The following PAK5 variants were observed in gnomAD, a reference collection of about 807,000 sequenced individuals.
PAK5 encodes the protein p21 (RAC1) activated kinase 5, also known as serine/threonine-protein kinase PAK 5.
A neutral mutation model predicts 65.9 loss-of-function variants in PAK5; 16 were observed. The observed-to-expected ratio is 0.24, with a 90% CI of 0.16 to 0.37. The LOEUF (loss-of-function observed/expected upper bound fraction) is 0.37. PAK5 is among the 10% of genes least tolerant of loss of function. The probability of loss-of-function intolerance (pLI) is 1.00; values close to 1 mark genes in which losing one functional copy is unlikely to be tolerated. For missense variants in PAK5, 785 were observed against 903.9 expected (o/e 0.87, Z 1.69); for synonymous variants, 371 against 354.9 (o/e 1.05, Z -0.51).
chr20:9,594,621 A>G (rs1055221948), intron 3 of PAK5, among the ~76,000 whole-genome samples: 1 of 152,202 alleles, frequency 6.6e-6, no homozygotes, highest in African/African-American at 2.4e-5. Context: ...GACAATGACA[A>G]TAATCCCTGT....
chr20:9,782,576 C>A (rs1435040716), intron 1 of PAK5, among the ~76,000 whole-genome samples: 7 of 152,170 alleles, frequency 4.6e-5, no homozygotes, highest in African/African-American at 1.7e-4. Flanking sequence ...TTCCTTACCT[C>A]CTACACAGGG....
Position 9,623,621 on chromosome 20 carries a change from A to G in PAK5, c.204+20504T>C, listed in dbSNP as rs113400529. Among the ~76,000 whole-genome samples the G allele has an allele frequency of 5.5e-3, 831 of 152,348 alleles. 9 individuals are homozygous for G. Among genetic ancestry groups the G allele is most frequent in the African/African-American group, 0.019 (782 of 41,578 alleles). On this transcript the variant is annotated intron_variant, in intron 3 of 9. Coordinates refer to ENST00000353224, the MANE Select transcript of PAK5 (RefSeq NM_177990.4). ...ACAGATACCCAAATAAAAGTACAGT[A>G]TTAGACTAAGATAGGTACAAACAAA... is the stretch of plus-strand genomic sequence containing the variant.
chr20:9,708,704 C>T (rs2048039443), intron 2 of PAK5, among the ~76,000 whole-genome samples: 1 of 152,134 alleles, frequency 6.6e-6, no homozygotes, highest in Non-Finnish European at 1.5e-5. Context: ...TCTTGGTCTA[C>T]ATGTATGGCA....
intron 2 of PAK5, 49 bp from the exon 3 acceptor site, chr20:9,644,388 GAAGACCAGGAGA>G (rs2123276718): frequency 8.2e-7 from 1 of 1,218,118 alleles, no homozygotes; most frequent in Admixed American, 1.8e-5. Context: ...CTTGCCAGCA[GAAGACCAGGAGA>G]AAGCTATTGT....
At chr20:9,745,299 C>T (rs2048493869) in intron 1 of PAK5, among the ~76,000 whole-genome samples, 1 of 147,344 alleles carries the variant, frequency 6.8e-6, no homozygotes, top group Middle Eastern at 3.2e-3. Flanking sequence ...CTGTGAGTGA[C>T]ACCACATCAA....
chr20:9,759,542 T>G (rs985014304), intron 1 of PAK5, among the ~76,000 whole-genome samples: 3 of 152,030 alleles, frequency 2.0e-5, no homozygotes, highest in Non-Finnish European at 4.4e-5. Context: ...TCAGAGTCAG[T>G]AGGTGAGGAG....
chr20:9,744,077 C>T (rs1034484106), intron 1 of PAK5, among the ~76,000 whole-genome samples: 6 of 152,174 alleles, frequency 3.9e-5, no homozygotes, highest in Non-Finnish European at 8.8e-5. Flanking sequence ...CTGGAATCCA[C>T]CAGAAGCTGG....
intron 4 of PAK5, among the ~76,000 whole-genome samples, chr20:9,578,171 C>T (rs2045919619): frequency 1.3e-5 from 2 of 151,976 alleles, no homozygotes. Context: ...GTTTTGCAAC[C>T]AACTAATTAT....
chr20:9,641,246 G>A (rs1481591975), intron 3 of PAK5, among the ~76,000 whole-genome samples: 1 of 151,828 alleles, frequency 6.6e-6, no homozygotes, highest in Non-Finnish European at 1.5e-5. Flanking sequence ...ACAGGGTGCT[G>A]ATTGGTGTGT....
intron 7 of PAK5, among the ~76,000 whole-genome samples, chr20:9,553,669 G>A (rs1000206490): frequency 1.7e-4 from 26 of 152,090 alleles, no homozygotes; most frequent in South Asian, 2.1e-4. Context: ...CCAAGTTCTC[G>A]TGTGTATCAA....
At chr20:9,709,948 T>A (rs1234443507) in intron 2 of PAK5, among the ~76,000 whole-genome samples, 1 of 152,224 alleles carries the variant, frequency 6.6e-6, no homozygotes, top group Non-Finnish European at 1.5e-5. Context: ...AAACCCTCAC[T>A]GCACAGAGGA....
intron 1 of PAK5, among the ~76,000 whole-genome samples, chr20:9,736,309 G>T (rs2048389134): frequency 1.3e-5 from 2 of 152,118 alleles, no homozygotes; most frequent in Admixed American, 1.3e-4. Flanking sequence ...AGTGTCAGTG[G>T]ATTTTCTAGT....
intron 2 of PAK5, among the ~76,000 whole-genome samples, chr20:9,708,734 T>C (rs2048039975): frequency 6.6e-6 from 1 of 151,826 alleles, no homozygotes; most frequent in Admixed American, 6.6e-5. Context: ...TACCAGGGAG[T>C]CGACACTCCA....
At chr20:9,617,549 C>CTTTTTTTT (rs532259417) in intron 3 of PAK5, among the ~76,000 whole-genome samples, 3 of 94,578 alleles carry the variant, frequency 3.2e-5, no homozygotes, top group Non-Finnish European at 4.1e-5. Flanking sequence ...AATCCCAATC[C>CTTTTTTTT]TTTTTTTTTT....
At chr20:9,837,091 T>C (rs1330985185) in intron 1 of PAK5, among the ~76,000 whole-genome samples, 2 of 152,314 alleles carry the variant, frequency 1.3e-5, no homozygotes, top group East Asian at 3.9e-4. Flanking sequence ...CATTTATTAA[T>C]AAAATAACAA....
At chr20:9,691,480 G>A (rs944034278) in intron 2 of PAK5, among the ~76,000 whole-genome samples, 1 of 152,194 alleles carries the variant, frequency 6.6e-6, no homozygotes, top group Non-Finnish European at 1.5e-5. Flanking sequence ...CATCCAGTCT[G>A]TACCACCTTG....
At chr20:9,649,382 A>G (rs537936564) in intron 2 of PAK5, among the ~76,000 whole-genome samples, 36 of 152,340 alleles carry the variant, frequency 2.4e-4, no homozygotes, top group African/African-American at 8.2e-4. Flanking sequence ...CACAGCAAAC[A>G]CTGCTTTGAT....
At chr20:9,763,538 CA>C (rs202189046) in intron 1 of PAK5, among the ~76,000 whole-genome samples, 2 of 149,618 alleles carry the variant, frequency 1.3e-5, no homozygotes, top group Admixed American at 6.7e-5. Context: ...AAAAACAAAA[CA>C]AAAAAAAACA....
rs73067757 is a variant in PAK5 at position 9,688,272 on chromosome 20, T to C, written c.-12+23014A>G. ...GAGAAGCCAGCAGGAAATGTCTTGCTTCAAACAAATTCTACTTCCCACCCC... is the reference window on the plus strand; with the variant it reads ...GAGAAGCCAGCAGGAAATGTCTTGCCTCAAACAAATTCTACTTCCCACCCC... On this transcript the variant is annotated intron_variant, in intron 2 of 9. Coordinates refer to ENST00000353224, the MANE Select transcript of PAK5 (RefSeq NM_177990.4). Among the ~76,000 whole-genome samples the C allele has an allele frequency of 5.8e-3, 883 of 152,144 alleles. 9 individuals are homozygous for C. Among genetic ancestry groups the C allele is most frequent in the Non-Finnish European group, 9.6e-3 (653 of 67,990 alleles).
Sources: gnomAD v4.1 joint callset for allele counts (sites outside exome capture counted in the v4.1 genomes callset) on GRCh38, gnomAD v4.1.1 for gene constraint, MANE v1.5 for transcripts, NCBI Gene and HGNC (gene_info 2026-07-23, HGNC 2026-07-21) for gene names.